The following ANO3 variants were observed in gnomAD, a reference collection of about 807,000 sequenced individuals.
ANO3 encodes anoctamin-3.
Under a neutral mutation model 144.8 loss-of-function variants are expected in ANO3, and 99 were observed. The ratio of observed to expected loss-of-function variants is 0.68; its 90% CI spans 0.58 to 0.81. ANO3 has a LOEUF of 0.81. ANO3 is among the 30% of genes least tolerant of loss of function. The pLI is 0.00. For synonymous variants in ANO3, 414 were observed against 392.6 expected (o/e 1.05, Z -0.64); for missense variants, 905 against 1,202.2 (o/e 0.75, Z 3.66).
intron 3 of ANO3, among the ~76,000 whole-genome samples, chr11:26,462,689 T>A (rs1288987632): frequency 2.0e-5 from 3 of 151,902 alleles, no homozygotes; most frequent in Non-Finnish European, 4.4e-5. Context: ...CTTACAAATG[T>A]CACTATCTTC....
chr11:26,565,423 A>G, intron 14 of ANO3: 1 of 1,613,440 alleles, frequency 6.2e-7, no homozygotes, highest in Non-Finnish European at 8.5e-7. Flanking sequence ...AAGTTTTCTG[A>G]AGACAGAGCA....
rs57154389 is a variant in ANO3 at position 26,662,314 on chromosome 11, TCCCC to T, written c.*1875_*1878del. On this transcript the variant is annotated 3_prime_UTR_variant, in exon 27 of 27. Transcript: ENST00000256737. ...TCAGATTCCAGAGAGGTTCTCATGCTCCCCCCCCTCCTTATTTGTAGCAATCGTA... is the reference window on the plus strand; with the variant it reads ...TCAGATTCCAGAGAGGTTCTCATGCTCCCCTCCTTATTTGTAGCAATCGTA... 6.7e-6 allele frequency: 1 copy of T among 149,994 alleles called. No individual in the cohort carries two copies. Among genetic ancestry groups the T allele is most frequent in the African/African-American group, 2.5e-5 (1 of 40,504 alleles). The allele number at this position is 149,994 out of a possible 1,614,324, so 9.3% of individuals were successfully genotyped here.
At chr11:26,586,959 T>C (rs1315345448) in intron 14 of ANO3, among the ~76,000 whole-genome samples, 1 of 152,180 alleles carries the variant, frequency 6.6e-6, no homozygotes, top group East Asian at 1.9e-4. Flanking sequence ...TCGTAGAGTT[T>C]TTCACAGATT....
chr11:26,321,189 C>T (rs1226588752), intron 1 of ANO3, among the ~76,000 whole-genome samples: 1 of 151,780 alleles, frequency 6.6e-6, no homozygotes, highest in African/African-American at 2.4e-5. Flanking sequence ...CTTCTATTTC[C>T]CTCCTACTTG....
chr11:26,416,765 A>G (rs955240027), intron 1 of ANO3, among the ~76,000 whole-genome samples: 1 of 151,930 alleles, frequency 6.6e-6, no homozygotes, highest in African/African-American at 2.4e-5. Flanking sequence ...ACTGAACTCT[A>G]CTTAAGATAT....
intron 24 of ANO3, among the ~76,000 whole-genome samples, chr11:26,652,452 A>G (rs567228368): frequency 2.6e-5 from 4 of 152,094 alleles, no homozygotes; most frequent in African/African-American, 9.7e-5. Context: ...GCCTCCTCCA[A>G]GTTCCTAGAA....
chr11:26,531,462 A>G, intron 8 of ANO3, 126 bp downstream of exon 8: 1 of 1,096,260 alleles, frequency 9.1e-7, no homozygotes, highest in South Asian at 1.8e-5. Context: ...CATTGTATTA[A>G]AATACACACT....
At chr11:26,567,134 C>G (rs1452221625) in intron 14 of ANO3, 3 of 1,425,842 alleles carry the variant, frequency 2.1e-6, no homozygotes, top group Non-Finnish European at 2.8e-6. Flanking sequence ...TGGCTAGTAA[C>G]AGAAGCTGGA....
chr11:26,606,812 T>C (rs1432700511), intron 17 of ANO3, among the ~76,000 whole-genome samples: 1 of 152,220 alleles, frequency 6.6e-6, no homozygotes, highest in Non-Finnish European at 1.5e-5. Flanking sequence ...CCTGTCATCC[T>C]GATGCTATCT....
chr11:26,446,966 T>C (rs1014585210), intron 3 of ANO3, among the ~76,000 whole-genome samples: 7 of 152,060 alleles, frequency 4.6e-5, no homozygotes, highest in African/African-American at 1.7e-4. Flanking sequence ...TACCAGCGCT[T>C]TGGGAGGCTG....
At chr11:26,634,101 A>T in intron 18 of ANO3, 103 bp from the exon 19 acceptor site, 1 of 550,008 alleles carries the variant, frequency 1.8e-6, no homozygotes, top group Non-Finnish European at 3.1e-6. Flanking sequence ...AAAAAAAATT[A>T]AATTAAAAAG....
intron 4 of ANO3, among the ~76,000 whole-genome samples, chr11:26,484,676 A>G (rs1361111948): frequency 6.6e-6 from 1 of 152,048 alleles, no homozygotes; most frequent in Non-Finnish European, 1.5e-5. Context: ...TGTCCCATAG[A>G]CCCCAGAATG....
intron 1 of ANO3, among the ~76,000 whole-genome samples, chr11:26,239,867 T>C (rs1232088432): frequency 1.3e-5 from 2 of 152,218 alleles, no homozygotes; most frequent in Non-Finnish European, 1.5e-5. Flanking sequence ...TTACTCTACT[T>C]GAGTTTTCAG....
intron 1 of ANO3, among the ~76,000 whole-genome samples, chr11:26,430,391 A>C (rs1257181884): frequency 6.6e-6 from 1 of 152,200 alleles, no homozygotes; most frequent in Non-Finnish European, 1.5e-5. Flanking sequence ...TAAAAAACCT[A>C]AACAACTCTT....
chr11:26,309,813 A>C (rs1023591972), intron 1 of ANO3: 1 of 502,590 alleles, frequency 2.0e-6, no homozygotes, highest in African/African-American at 2.1e-5. Flanking sequence ...GGGGGGGTGA[A>C]AATTTAACGC....
At chr11:26,518,279 A>G (rs1253898479) in intron 6 of ANO3, among the ~76,000 whole-genome samples, 1 of 152,040 alleles carries the variant, frequency 6.6e-6, no homozygotes, top group Non-Finnish European at 1.5e-5. Flanking sequence ...ACAGATGATA[A>G]TATACAATAT....
At chr11:26,390,321 G>C (rs7940514) in intron 1 of ANO3, among the ~76,000 whole-genome samples, 40,265 of 151,636 alleles carry the variant, frequency 0.27, 5,969 homozygotes, top group African/African-American at 0.4. Flanking sequence ...CCTTTTAGAG[G>C]GAAAATTGTT....
chr11:26,234,697 G>A (rs17308929), intron 1 of ANO3, among the ~76,000 whole-genome samples: 46,591 of 151,940 alleles, frequency 0.31, 7,800 homozygotes, highest in Non-Finnish European at 0.37. Flanking sequence ...CTATGTCTTA[G>A]AAGGTATTGA....
chr11:26,656,470 ATT>A lies in ANO3; in HGVS notation c.2753_2754del (p.Ile918SerfsTer3). The A allele has an allele frequency of 6.2e-7, 1 of 1,601,636 alleles. No individual in the cohort carries two copies. The highest frequency in any genetic ancestry group is 8.6e-7 in the Non-Finnish European group (1 of 1,168,850). ...CCTTGCTGCTAGATTGGCCTTCATTATTGTGTTTGAGGTTAGTCACAAGCTGA... is the reference window on the plus strand; with the variant it reads ...CCTTGCTGCTAGATTGGCCTTCATTAGTGTTTGAGGTTAGTCACAAGCTGA... ...HILAARLAFI[I>X]VFEHLVFGIK... On this transcript the variant is annotated frameshift_variant, in exon 26 of 27. Coordinates refer to ENST00000256737, the MANE Select transcript of ANO3 (RefSeq NM_031418.4). LOFTEE classifies it high-confidence loss of function.
Sources: allele counts gnomAD v4.1 joint callset (sites outside exome capture counted in the v4.1 genomes callset), GRCh38; gene constraint gnomAD v4.1.1; transcripts MANE v1.5; gene names NCBI Gene and HGNC (gene_info 2026-07-23, HGNC 2026-07-21).